The following GPR161 variants were observed in gnomAD, a reference collection of about 807,000 sequenced individuals.
GPR161 encodes the protein G-protein coupled receptor RE2.
Under a neutral mutation model 39.2 loss-of-function variants are expected in GPR161, and 25 were observed. The ratio of observed to expected loss-of-function variants is 0.64; its 90% CI spans 0.47 to 0.89. The LOEUF (loss-of-function observed/expected upper bound fraction) is 0.89, where lower values mean the gene tolerates loss of function less well. Among genes scored for constraint, GPR161 ranks in the 40% least tolerant of loss-of-function variants. The probability of loss-of-function intolerance (pLI) is 0.00; values close to 1 mark genes in which losing one functional copy is unlikely to be tolerated. For synonymous variants in GPR161, 286 were observed against 276.6 expected (o/e 1.03, Z -0.34); for missense variants, 547 against 677.8 (o/e 0.81, Z 2.14).
Position 168,084,714 on chromosome 1 carries a change from C to G in GPR161, c.*817G>C. 2.5e-6 allele frequency: 1 copy of G among 398,126 alleles called. No individual in the cohort carries two copies. The highest frequency in any genetic ancestry group is 2.1e-5 in the African/African-American group (1 of 47,572). The allele number at this position is 398,126 out of a possible 1,614,324, so 24.7% of individuals were successfully genotyped here. A position where few individuals can be genotyped will look rare whatever the true frequency, so the allele number is the denominator to read the frequency against. On this transcript the variant is annotated 3_prime_UTR_variant, in exon 6 of 6. Transcript: ENST00000682931. ...ACAGTTTCTCTATTTCCTGGCTGTGCTTGGCACTACAGTCCCATTCAGTCC... is the reference window on the plus strand; with the variant it reads ...ACAGTTTCTCTATTTCCTGGCTGTGGTTGGCACTACAGTCCCATTCAGTCC...
At position 168,096,967 on chromosome 1, in the gene GPR161, C is replaced by T. The variant is rs146363789; in HGVS notation, c.640G>A (p.Val214Met). 3.3e-4 allele frequency: 535 copies of T among 1,614,142 alleles called. 3 individuals carry two copies. The African/African-American group carries it at 5.5e-3, about 16-fold the overall frequency. The change falls in exon 3 of 6, where the codon GTG becomes ATG. Residue 214 changes from valine (V) to methionine (M), a missense_variant. Val to Met is a conservative substitution (Grantham distance 21). Transcript: ENST00000682931. ...MLVCYGFIFR[V>M]ARVKARKVHC... Reference sequence around the variant, plus strand: ...ACCTTGCGTGCCTTGACCCTGGCCACGCGGAAGATGAAGCCATAGCACACC... The same window carrying T: ...ACCTTGCGTGCCTTGACCCTGGCCATGCGGAAGATGAAGCCATAGCACACC...
rs1694673000 is a variant in GPR161, at chr1:168,087,691, C to T, written c.1218G>A (p.Met406Ile). Residue 406 changes from methionine to isoleucine, a missense_variant, in exon 5 of 6, where the codon ATG (methionine) becomes ATA (isoleucine). Transcript: ENST00000682931. ...CATCAGACGTGTAGTCCTCAAGCAG[C>T]ATCATATCTGTCCCTAAAACAACGG... ...SCSQDSGTDM[M>I]LLEDYTSDDN... 1.2e-6 allele frequency: 2 copies of T among 1,612,602 alleles called. No individual in the cohort carries two copies. The highest frequency in any genetic ancestry group is 1.7e-6 in the Non-Finnish European group (2 of 1,179,214).
At chr1:168,129,866 C>T (rs1558141565) in intron 1 of GPR161, among the ~76,000 whole-genome samples, 1 of 152,284 alleles carries the variant, frequency 6.6e-6, no homozygotes, top group Non-Finnish European at 1.5e-5. Context: ...GCACAGGAAC[C>T]CTCTAGAGGG....
chr1:168,108,994 T>C (rs1696890548), intron 1 of GPR161, among the ~76,000 whole-genome samples: 1 of 152,184 alleles, frequency 6.6e-6, no homozygotes, highest in Non-Finnish European at 1.5e-5. Flanking sequence ...AAACACCTTG[T>C]GTTAGATTGG....
intron 1 of GPR161, chr1:168,133,881 T>G: frequency 1.1e-6 from 1 of 951,242 alleles, no homozygotes; most frequent in Non-Finnish European, 1.3e-6. Flanking sequence ...TTCACCTATG[T>G]TTCCAGGCTT....
intron 1 of GPR161, among the ~76,000 whole-genome samples, 170 bp from the exon 2 acceptor site, chr1:168,105,064 T>C (rs1231563582): frequency 6.6e-6 from 1 of 152,180 alleles, no homozygotes; most frequent in South Asian, 2.1e-4. Flanking sequence ...GTGGGCCATT[T>C]TCTACAACCA....
chr1:168,091,340 C>A (rs1259465748), intron 3 of GPR161, among the ~76,000 whole-genome samples: 1 of 152,138 alleles, frequency 6.6e-6, no homozygotes, highest in East Asian at 1.9e-4. Context: ...CAGAAGCGAC[C>A]CAGTAAAAAC....
chr1:168,096,620 C>T lies in GPR161; in HGVS notation c.987G>A (p.Lys329=). 1 of 1,614,216 alleles carries T rather than the reference C, an allele frequency of 6.2e-7. No homozygotes were observed. Among genetic ancestry groups the T allele is most frequent in the Non-Finnish European group, 8.5e-7 (1 of 1,180,034 alleles). The change falls in exon 3 of 6, where the codon AAG becomes AAA. Residue 329 remains lysine, a synonymous_variant. Transcript: ENST00000682931. The stretch of plus-strand genomic sequence containing the variant: ...TGCCCAGTAGTTCTTTGCGAACTGT[C>T]TTGTTCCAGAGTCCATAGATCAGGG... The part of the protein sequence containing the change: ...CHPLIYGLWN[K]TVRKELLGMC...
chr1:168,136,706 G>C (rs1169722919), intron 1 of GPR161, 33 bp downstream of exon 1: 1 of 1,056,020 alleles, frequency 9.5e-7, no homozygotes, highest in Non-Finnish European at 1.1e-6. Flanking sequence ...TCTCCGCCCG[G>C]GCCCGCGCCC....
Position 168,090,688 on chromosome 1 carries a change from T to C in GPR161, c.1100-20A>G, listed in dbSNP as rs1397425528. 1.4e-6 allele frequency: 2 copies of C among 1,444,512 alleles called. No homozygotes were observed. The highest frequency in any genetic ancestry group is 2.3e-5 in the East Asian group (1 of 43,844). The allele number at this position is 1,444,512 out of a possible 1,614,324, so 89.5% of individuals were successfully genotyped here. A position where few individuals can be genotyped will look rare whatever the true frequency, so the allele number is the denominator to read the frequency against. ...CCAGGTCTGAAAGACAAAATTGGCA[T>C]TGACAACACAATCACACTCTGCAAG... On this transcript the variant is annotated intron_variant, in intron 3 of 5. Transcript: ENST00000682931.
Position 168,136,736 on chromosome 1 carries a change from C to T in GPR161, c.-45+3G>A, listed in dbSNP as rs996514151. On this transcript the variant is annotated splice_donor_region_variant and intron_variant, in intron 1 of 5. Transcript: ENST00000682931. ...GCGCCCGCGCCCCACGCCGGGTGCT[C>T]ACCGAGGAGCGGCCGCCGCGGCAGC... The T allele has an allele frequency of 2.6e-5, 26 of 1,008,472 alleles. No individual in the cohort carries two copies. Among genetic ancestry groups the T allele is most frequent in the Non-Finnish European group, 3.0e-5 (25 of 845,552 alleles). The allele number at this position is 1,008,472 out of a possible 1,614,324, so 62.5% of individuals were successfully genotyped here. A position where few individuals can be genotyped will look rare whatever the true frequency, so the allele number is the denominator to read the frequency against.
At chr1:168,122,523 A>G (rs188593145) in intron 1 of GPR161, among the ~76,000 whole-genome samples, 1 of 152,330 alleles carries the variant, frequency 6.6e-6, no homozygotes, top group East Asian at 1.9e-4. Context: ...CATGTCACAC[A>G]GAGCAAGCCC....
chr1:168,124,571 T>C (rs988717420), intron 1 of GPR161, among the ~76,000 whole-genome samples: 8 of 152,106 alleles, frequency 5.3e-5, no homozygotes, highest in African/African-American at 1.7e-4. Context: ...TCAGAGAAGG[T>C]TGTTAGCTTG....
At chr1:168,087,835 C>T (rs1378078585) in intron 4 of GPR161, 131 bp from the exon 5 acceptor site, 13 of 863,824 alleles carry the variant, frequency 1.5e-5, no homozygotes, top group East Asian at 2.8e-5. Flanking sequence ...GAGCTGACTG[C>T]GCCGCAGCAC....
chr1:168,081,726 T>C lies in GPR161; in HGVS notation c.*3805A>G, dbSNP rs992506633. 3 of 152,274 alleles carry C rather than the reference T, an allele frequency of 2.0e-5. No individual in the cohort carries two copies. The highest frequency in any genetic ancestry group is 2.9e-5 in the Non-Finnish European group (2 of 68,082). The allele number at this position is 152,274 out of a possible 1,614,324, so 9.4% of individuals were successfully genotyped here. A position where few individuals can be genotyped will look rare whatever the true frequency, so the allele number is the denominator to read the frequency against. On this transcript the variant is annotated 3_prime_UTR_variant, in exon 6 of 6. Transcript: ENST00000682931. ...CTTCACCATCCTCACTATATCACAC[T>C]TGCACTGGGGTAAAATGAGATAAAG... is the stretch of plus-strand genomic sequence containing the variant.
In GPR161 at chr1:168,104,821, C is replaced by T; in HGVS notation, c.30G>A (p.Arg10=). The T allele has an allele frequency of 1.9e-6, 3 of 1,613,542 alleles. No homozygotes were observed. Among genetic ancestry groups the T allele is most frequent in the Non-Finnish European group, 1.7e-6 (2 of 1,179,576 alleles). The change falls in exon 2 of 6, where the codon AGG becomes AGA. Residue 10 remains arginine (R), a synonymous_variant. Coordinates refer to ENST00000682931, the MANE Select transcript of GPR161 (RefSeq NM_001375883.1). The stretch of plus-strand genomic sequence containing the variant: ...CCTCAGTGAGATTACTCAGCTCCTT[C>T]CTGCAGCTGAGGGAGGAGTTGAGGC... MSLNSSLSC[R]KELSNLTEEE...
chr1:168,088,690 T>C (rs1214150734), intron 4 of GPR161: 2 of 152,272 alleles, frequency 1.3e-5, no homozygotes, highest in Admixed American at 1.3e-4. Context: ...AGCATAGTGC[T>C]TGCACACAGC....
rs1337882565 is a variant in GPR161, at chr1:168,119,246, A to G, written c.-44-14352T>C. 2.2e-4 allele frequency among the ~76,000 whole-genome samples: 23 copies of G among 103,758 alleles called. 2 individuals are homozygous for G. The highest frequency in any genetic ancestry group is 8.9e-4 in the African/African-American group (21 of 23,498). 68.1% of individuals were successfully genotyped at this position (103,758 alleles called of 152,430 possible). A position where few individuals can be genotyped will look rare whatever the true frequency, so the allele number is the denominator to read the frequency against. On this transcript the variant is annotated intron_variant, in intron 1 of 5. Transcript: ENST00000682931. Reference sequence around the variant, plus strand: ...TATATACGTATATATATATATACACATATATATATACGTATATATATGTGT... The same window carrying G: ...TATATACGTATATATATATATACACGTATATATATACGTATATATATGTGT...
At chr1:168,134,768 C>T (rs906323753) in intron 1 of GPR161, 11 of 700,994 alleles carry the variant, frequency 1.6e-5, no homozygotes, top group East Asian at 2.7e-5. Context: ...AGCCCCACCG[C>T]ACCTGCAGCT....
Sources: allele counts gnomAD v4.1 joint callset (sites outside exome capture counted in the v4.1 genomes callset), GRCh38; gene constraint gnomAD v4.1.1; transcripts MANE v1.5; gene names NCBI Gene and HGNC (gene_info 2026-07-23, HGNC 2026-07-21).